Variants in ZNF573 observed in about 807,000 individuals in gnomAD.
ZNF573 encodes zinc finger protein 573.
In ZNF573, 41 loss-of-function variants were observed where a neutral mutation model predicts 57.4. The observed-to-expected ratio is 0.71, with a 90% CI of 0.56 to 0.93. ZNF573 has a LOEUF of 0.93. Among genes scored for constraint, ZNF573 ranks in the 40% least tolerant of loss-of-function variants. The probability of loss-of-function intolerance (pLI) is 0.00; values close to 1 mark genes in which losing one functional copy is unlikely to be tolerated. For synonymous variants in ZNF573, 249 were observed against 261.0 expected (o/e 0.95, Z 0.44); for missense variants, 730 against 794.8 (o/e 0.92, Z 0.98).
intron 4 of ZNF573, among the ~76,000 whole-genome samples, chr19:37,753,423 A>G (rs897452729): frequency 1.9e-4 from 29 of 152,250 alleles, no homozygotes; most frequent in African/African-American, 6.7e-4. Context: ...ATTATTATTG[A>G]CTATAGTCAC....
chr19:37,740,468 A>C, intron 4 of ZNF573: 1 of 471,324 alleles, frequency 2.1e-6, no homozygotes, highest in Non-Finnish European at 4.0e-6. Context: ...TGGCACCGTC[A>C]AAGACCAAGT....
rs972631663 is a variant in ZNF573 at position 37,739,804 on chromosome 19, T to C, written c.686A>G (p.Tyr229Cys). Residue 229 changes from tyrosine to cysteine, a missense_variant, in exon 5 of 5, where the codon TAT (tyrosine) becomes TGT (cysteine). By Grantham distance (194) the Tyr-to-Cys change is radical (BLOSUM62 -2). Transcript: ENST00000536220. The stretch of plus-strand genomic sequence containing the variant: ...CTCATGTTGAACAATGTGTGAGGCA[T>C]ATATAAAGGCCTTCCCACACTGCCT... Reference protein sequence around the residue: ...ECRQCGKAFIYASHIVQHERI... With the variant: ...ECRQCGKAFICASHIVQHERI... 6.2e-7 allele frequency: 1 copy of C among 1,613,762 alleles called. No homozygotes were observed. The highest frequency in any genetic ancestry group is 1.3e-5 in the African/African-American group (1 of 74,976).
Position 37,738,524 on chromosome 19 carries a change from G to A in ZNF573, c.1966C>T (p.His656Tyr). 2 of 1,544,782 alleles carry A rather than the reference G, an allele frequency of 1.3e-6. No homozygotes were observed. Among genetic ancestry groups the A allele is most frequent in the South Asian group, 2.6e-5 (2 of 78,056 alleles). Residue 656 changes from histidine to tyrosine, a missense_variant, in exon 5 of 5, where the codon CAT (histidine) becomes TAT (tyrosine). His to Tyr is a moderately conservative substitution (Grantham distance 83, BLOSUM62 2). Coordinates refer to ENST00000536220, the MANE Select transcript of ZNF573 (RefSeq NM_001172690.2). ...TTTATGCTCCTATGAATTCTCTGAT[G>A]GGCTTTAAGGGCTGAACCATATCTG... ...TFRYGSALKA[H>Y]QRIHRSIKV
chr19:37,769,831 T>C (rs949742890), intron 4 of ZNF573, among the ~76,000 whole-genome samples, 174 bp downstream of exon 4: 1 of 152,050 alleles, frequency 6.6e-6, no homozygotes, highest in African/African-American at 2.4e-5. Flanking sequence ...TGGGGTAAAG[T>C]TGAAGCTTCT....
At chr19:37,740,689 T>C in intron 4 of ZNF573, 1 of 436,316 alleles carries the variant, frequency 2.3e-6, no homozygotes, top group Non-Finnish European at 4.6e-6. Flanking sequence ...CTATTCTCTA[T>C]CATAGTCCCT....
intron 1 of ZNF573, among the ~76,000 whole-genome samples, chr19:37,774,625 T>C (rs889122555): frequency 3.5e-4 from 54 of 152,278 alleles, no homozygotes; most frequent in African/African-American, 1.2e-3. Flanking sequence ...GGGAAACGTA[T>C]TTAATAAAAT....
In ZNF573 at chr19:37,739,478, C is replaced by T. The variant is rs2045301319; in HGVS notation, c.1012G>A (p.Gly338Ser). The T allele has an allele frequency of 6.2e-7, 1 of 1,613,726 alleles. No individual in the cohort carries two copies. Among genetic ancestry groups the T allele is most frequent in the African/African-American group, 1.3e-5 (1 of 74,842 alleles). ...AGAAAGTATGAGGCAGTGGTATAGCCCTTCCCACATTCTTTACACTCATAT... is the reference window on the plus strand; with the variant it reads ...AGAAAGTATGAGGCAGTGGTATAGCTCTTCCCACATTCTTTACACTCATAT... ...KPYECKECGKGYTTASYFLLH... is the reference protein window; with the variant it reads ...KPYECKECGKSYTTASYFLLH... The change falls in exon 5 of 5, where the codon GGC becomes AGC. Residue 338 changes from glycine to serine, a missense_variant. Physicochemically the swap from Gly to Ser is moderately conservative, Grantham distance 56. Transcript: ENST00000536220.
In ZNF573 at chr19:37,756,427, T is replaced by C. The variant is rs183285654; in HGVS notation, c.295+13578A>G. 9.9e-5 allele frequency among the ~76,000 whole-genome samples: 15 copies of C among 152,266 alleles called. No individual in the cohort carries two copies. The East Asian group carries it at 2.7e-3, about 27-fold the overall frequency. On this transcript the variant is annotated intron_variant, in intron 4 of 4. Transcript: ENST00000536220. Reference sequence around the variant, plus strand: ...AACTCCTCAACGGAGGTGCATAAAATTGCAGGCATGGTCACTCAAAAGAGA... The same window carrying C: ...AACTCCTCAACGGAGGTGCATAAAACTGCAGGCATGGTCACTCAAAAGAGA...
At chr19:37,766,118 T>G (rs1913441694) in intron 4 of ZNF573, among the ~76,000 whole-genome samples, 1 of 152,142 alleles carries the variant, frequency 6.6e-6, no homozygotes, top group Non-Finnish European at 1.5e-5. Flanking sequence ...TACCAAATAG[T>G]AGGTGATGTA....
chr19:37,767,374 G>T (rs1201134311), intron 4 of ZNF573, among the ~76,000 whole-genome samples: 1 of 151,904 alleles, frequency 6.6e-6, no homozygotes, highest in African/African-American at 2.4e-5. Context: ...GACTACAGGC[G>T]CCCGCCACCA....
intron 1 of ZNF573, among the ~76,000 whole-genome samples, chr19:37,777,116 T>G (rs1259787377): frequency 6.6e-6 from 1 of 152,188 alleles, no homozygotes; most frequent in East Asian, 1.9e-4. Flanking sequence ...TACCATTTGA[T>G]CCAGCAATCC....
intron 4 of ZNF573, among the ~76,000 whole-genome samples, chr19:37,767,375 C>T (rs1159964784): frequency 2.6e-5 from 4 of 152,116 alleles, no homozygotes; most frequent in Non-Finnish European, 5.9e-5. Flanking sequence ...ACTACAGGCG[C>T]CCGCCACCAC....
At position 37,738,671 on chromosome 19, in the gene ZNF573, C is replaced by T. The variant is rs1441419039; in HGVS notation, c.1819G>A (p.Gly607Arg). ...CATTCTTTACATTCATAAGGTTTTC[C>T]ACCAGTATGAATTTTCTGATGTTGG... is the stretch of plus-strand genomic sequence containing the variant. ...LTQHQKIHTG[G>R]KPYECKECGK... Residue 607 changes from glycine to arginine, a missense_variant, in exon 5 of 5, where the codon GGA (glycine) becomes AGA (arginine). Transcript: ENST00000536220. 1 of 1,608,644 alleles carries T rather than the reference C, an allele frequency of 6.2e-7. No homozygotes were observed. The highest frequency in any genetic ancestry group is 8.5e-7 in the Non-Finnish European group (1 of 1,177,814).
intron 4 of ZNF573, among the ~76,000 whole-genome samples, chr19:37,743,019 C>T (rs1239428829): frequency 1.3e-5 from 2 of 152,134 alleles, no homozygotes. Flanking sequence ...TATGAACAGA[C>T]ACTTCTCAAA....
At chr19:37,778,045 A>AAAAAG (rs71177476) in intron 1 of ZNF573, among the ~76,000 whole-genome samples, 3 of 138,138 alleles carry the variant, frequency 2.2e-5, no homozygotes, top group Non-Finnish European at 1.6e-5. Context: ...AAAAAAAAAA[A>AAAAAG]GTAATATTTA....
At chr19:37,772,932 G>T in intron 2 of ZNF573, 1 of 985,124 alleles carries the variant, frequency 1.0e-6, no homozygotes, top group African/African-American at 1.7e-5. Context: ...ACCGTAGCTA[G>T]CCTACCTTCA....
chr19:37,770,337 C>G (rs1261505419), intron 3 of ZNF573: 1 of 374,358 alleles, frequency 2.7e-6, no homozygotes, highest in East Asian at 5.1e-5. Flanking sequence ...TATTACCACC[C>G]CAAAGTAGCT....
intron 2 of ZNF573, chr19:37,773,017 T>C: frequency 1.0e-6 from 1 of 968,024 alleles, no homozygotes; most frequent in Non-Finnish European, 1.2e-6. Flanking sequence ...TAGGATAATA[T>C]TCTCATTCAT....
In ZNF573 at chr19:37,739,691, C is replaced by G. The variant is rs2045304866; in HGVS notation, c.799G>C (p.Val267Leu). ...QGGHLRIHQR[V>L]HTGEKPYKCK... ...TTATATGGTTTTTCGCCAGTATGAACTCTCTGATGAATTCTAAGATGTCCA... is the reference window on the plus strand; with the variant it reads ...TTATATGGTTTTTCGCCAGTATGAAGTCTCTGATGAATTCTAAGATGTCCA... Residue 267 changes from valine (V) to leucine (L), a missense_variant, in exon 5 of 5, where the codon GTT becomes CTT. Transcript: ENST00000536220. The G allele has an allele frequency of 6.2e-7, 1 of 1,613,676 alleles. No individual in the cohort carries two copies. Among genetic ancestry groups the G allele is most frequent in the Non-Finnish European group, 8.5e-7 (1 of 1,179,848 alleles).
Sources: allele counts gnomAD v4.1 joint callset (sites outside exome capture counted in the v4.1 genomes callset), GRCh38; gene constraint gnomAD v4.1.1; transcripts MANE v1.5; gene names NCBI Gene and HGNC (gene_info 2026-07-23, HGNC 2026-07-21).